STRBP: variants seen among roughly 807,000 people sequenced by gnomAD.
The protein encoded by STRBP is spermatid perinuclear RNA binding protein.
A neutral mutation model predicts 80.1 loss-of-function variants in STRBP; 13 were observed. The ratio of observed to expected loss-of-function variants is 0.16; its 90% confidence interval spans 0.11 to 0.26. STRBP has a LOEUF of 0.26. Among genes scored for constraint, STRBP ranks in the 10% least tolerant of loss-of-function variants. The pLI, the probability that STRBP is intolerant of heterozygous loss-of-function variation, is 1.00. For missense variants in STRBP, 485 were observed against 815.2 expected, an observed-to-expected ratio of 0.59 and a Z score of 4.93; for synonymous variants, 284 against 291.2, an observed-to-expected ratio of 0.98 and a Z score of 0.25.
chr9:123,224,868 T>C lies in STRBP; in HGVS notation c.-165+11962A>G, dbSNP rs186738561. ...CCCATTAGTTTCACTCCATGTTACA[T>C]ACCTAGAGAAACATATATATTTAAA... On this transcript the variant is annotated intron_variant, in intron 2 of 18. Coordinates refer to ENST00000348403, the MANE Select transcript of STRBP (RefSeq NM_018387.5). Among the ~76,000 whole-genome samples the C allele has an allele frequency of 3.3e-3, 505 of 152,314 alleles. 12 individuals carry two copies. Among genetic ancestry groups the C allele is most frequent in the Admixed American group, 0.032 (482 of 15,294 alleles).
intron 2 of STRBP, among the ~76,000 whole-genome samples, chr9:123,209,882 T>C (rs1042159907): frequency 6.6e-6 from 1 of 152,220 alleles, no homozygotes; most frequent in Non-Finnish European, 1.5e-5. Context: ...AATTTATTCA[T>C]ATATATAAAC....
chr9:123,163,065 T>A (rs919979867), intron 6 of STRBP, among the ~76,000 whole-genome samples: 2 of 152,214 alleles, frequency 1.3e-5, no homozygotes, highest in African/African-American at 4.8e-5. Flanking sequence ...ACTTGTTTTT[T>A]AAGATGTCAA....
intron 3 of STRBP, chr9:123,111,548 G>T: frequency 2.2e-6 from 1 of 456,162 alleles, no homozygotes. Context: ...GTAGGCAGGG[G>T]CAGGGCTGGC....
chr9:123,184,072 T>C, intron 3 of STRBP, 60 bp downstream of exon 3: 3 of 1,553,878 alleles, frequency 1.9e-6, no homozygotes, highest in Non-Finnish European at 2.6e-6. Flanking sequence ...TTAACATTTC[T>C]AATTTTAAAT....
intron 2 of STRBP, among the ~76,000 whole-genome samples, chr9:123,192,950 C>T (rs918775723): frequency 6.6e-6 from 1 of 152,166 alleles, no homozygotes; most frequent in African/African-American, 2.4e-5. Context: ...CTCCAGTCAA[C>T]ACGGGAATAA....
intron 2 of STRBP, among the ~76,000 whole-genome samples, chr9:123,198,956 C>CT (rs2039209134): frequency 6.6e-6 from 1 of 152,120 alleles, no homozygotes; most frequent in Non-Finnish European, 1.5e-5. Flanking sequence ...GTCCCTACTT[C>CT]TTTTTTTGAG....
At chr9:123,252,772 G>A (rs1016488796) in intron 1 of STRBP, among the ~76,000 whole-genome samples, 15 of 152,160 alleles carry the variant, frequency 9.9e-5, no homozygotes, top group Admixed American at 7.2e-4. Flanking sequence ...AAAGTAGCCA[G>A]AGAGCTGTAT....
At position 123,209,883 on chromosome 9, in the gene STRBP, A is replaced by G. The variant is rs530207739; in HGVS notation, c.-164-25585T>C. On this transcript the variant is annotated intron_variant, in intron 2 of 18. Transcript: ENST00000348403. Reference sequence around the variant, plus strand: ...TACACACACACACAAATTTATTCATATATATAAACAAGGTTCAGAGAAAGG... The same window carrying G: ...TACACACACACACAAATTTATTCATGTATATAAACAAGGTTCAGAGAAAGG... 2.3e-4 allele frequency among the ~76,000 whole-genome samples: 35 copies of G among 152,352 alleles called. 1 individual carries two copies. The South Asian group carries it at 7.3e-3, about 32-fold the overall frequency.
chr9:123,205,852 G>T lies in STRBP; in HGVS notation c.-164-21554C>A, dbSNP rs578055751. On this transcript the variant is annotated intron_variant, in intron 2 of 18. Coordinates refer to ENST00000348403, the MANE Select transcript of STRBP (RefSeq NM_018387.5). ...GAACAATTCAATATCTTTGGCTCAG[G>T]TGTTGATATTATAATTCAACCCTTT... Among the ~76,000 whole-genome samples, 4 of 152,220 alleles carry T rather than the reference G, an allele frequency of 2.6e-5. No homozygotes were observed. The East Asian group carries it at 5.8e-4, about 22-fold the overall frequency.
At chr9:123,259,583 C>T (rs1423887606) in intron 1 of STRBP, among the ~76,000 whole-genome samples, 1 of 152,188 alleles carries the variant, frequency 6.6e-6, no homozygotes, top group Non-Finnish European at 1.5e-5. Context: ...GTGGCGCATG[C>T]CTGTAATCCC....
At chr9:123,161,185 C>A in intron 6 of STRBP, 117 bp from the exon 7 acceptor site, 1 of 768,032 alleles carries the variant, frequency 1.3e-6, no homozygotes, top group South Asian at 2.0e-5. Context: ...TAATAAGACT[C>A]CCAGAAAATT....
At chr9:123,223,305 T>TTCATTATAAATAAAAAA (rs1373648704) in intron 2 of STRBP, among the ~76,000 whole-genome samples, 1 of 152,138 alleles carries the variant, frequency 6.6e-6, no homozygotes, top group Non-Finnish European at 1.5e-5. Context: ...ATTATAAATA[T>TTCATTATAAATAAAAAA]TTCAAAATTC....
intron 2 of STRBP, among the ~76,000 whole-genome samples, chr9:123,208,458 T>C (rs982444305): frequency 2.0e-5 from 3 of 151,970 alleles, no homozygotes; most frequent in African/African-American, 7.3e-5. Flanking sequence ...GGTCCTAGAG[T>C]AGGACTTACT....
At chr9:123,117,095 C>T (rs1482906725), downstream of STRBP, among the ~76,000 whole-genome samples, 1 of 152,078 alleles carries the variant, frequency 6.6e-6, no homozygotes, top group Non-Finnish European at 1.5e-5. Flanking sequence ...CTCCAAGGGC[C>T]ACCAGTACAG....
At position 123,161,042 on chromosome 9, in the gene STRBP, C is replaced by T. The variant is rs1456778317; in HGVS notation, c.562G>A (p.Asp188Asn). ...GENVSMKDPP[D>N]LLDRQKCLNA... The stretch of plus-strand genomic sequence containing the variant: ...AGGCATTTCTGCCTGTCCAATAAGT[C>T]CGGAGGATCTTTCATCGAAACATTT... The change falls in exon 7 of 19, where the codon GAC becomes AAC. Residue 188 changes from aspartate (D) to asparagine (N), a missense_variant. By Grantham distance (23) the Asp-to-Asn change is conservative. Transcript: ENST00000348403. The T allele has an allele frequency of 6.2e-7, 1 of 1,600,314 alleles. No individual in the cohort carries two copies. The highest frequency in any genetic ancestry group is 1.4e-5 in the African/African-American group (1 of 73,534).
intron 1 of STRBP, among the ~76,000 whole-genome samples, chr9:123,249,158 A>G (rs1439339244): frequency 6.6e-6 from 1 of 152,210 alleles, no homozygotes; most frequent in Non-Finnish European, 1.5e-5. Context: ...CAGGAGGATC[A>G]CTTAAGCTCA....
At chr9:123,236,677 T>C (rs1588143578) in intron 2 of STRBP, among the ~76,000 whole-genome samples, 153 bp downstream of exon 2, 1 of 150,976 alleles carries the variant, frequency 6.6e-6, no homozygotes, top group South Asian at 2.1e-4. Context: ...AAAAAAAGTG[T>C]GTCATACAAA....
intron 4 of STRBP, among the ~76,000 whole-genome samples, chr9:123,175,472 C>A (rs541790758): frequency 6.6e-6 from 1 of 152,264 alleles, no homozygotes; most frequent in African/African-American, 2.4e-5. Flanking sequence ...AATAATCCAG[C>A]CATGGGTTCA....
chr9:123,219,076 G>A (rs2039989956), intron 2 of STRBP, among the ~76,000 whole-genome samples: 1 of 139,346 alleles, frequency 7.2e-6, no homozygotes, highest in Non-Finnish European at 1.5e-5. Context: ...CTCTTGCCCT[G>A]TAAATAATCA....
Sources: gnomAD v4.1 joint callset for allele counts (sites outside exome capture counted in the v4.1 genomes callset) on GRCh38, gnomAD v4.1.1 for gene constraint, MANE v1.5 for transcripts, NCBI Gene and HGNC (gene_info 2026-07-23, HGNC 2026-07-21) for gene names.